CELSR1: variants seen among roughly 807,000 people sequenced by gnomAD.
The protein encoded by CELSR1 is adhesion G protein-coupled receptor C1.
In CELSR1, 110 loss-of-function variants were observed where a neutral mutation model predicts 249.1. The observed-to-expected ratio is 0.44, with a 90% CI of 0.38 to 0.52. The LOEUF (loss-of-function observed/expected upper bound fraction) is 0.52, where lower values mean the gene tolerates loss of function less well. CELSR1 is among the 20% of genes least tolerant of loss of function. The probability of loss-of-function intolerance (pLI) is 0.00; values close to 1 mark genes in which losing one functional copy is unlikely to be tolerated. For missense variants in CELSR1, 4,109 were observed against 4,296.4 expected, an observed-to-expected ratio of 0.96 and a Z score of 1.22; for synonymous variants, 2,113 against 1,900.0, an observed-to-expected ratio of 1.11 and a Z score of -2.92.
chr22:46,487,493 G>A (rs1361560512), intron 1 of CELSR1, among the ~76,000 whole-genome samples: 5 of 130,340 alleles, frequency 3.8e-5, no homozygotes, highest in Admixed American at 1.7e-4. Flanking sequence ...TGGCCTGGTG[G>A]AAAAGACAAA....
Position 46,410,710 on chromosome 22 carries a change from G to T in CELSR1, c.4770-149C>A. On this transcript the variant is annotated intron_variant, in intron 6 of 34. Coordinates refer to ENST00000674500, the MANE Select transcript of CELSR1 (RefSeq NM_001378328.1). The surrounding 1 kb of genome is among the most constrained non-coding windows in gnomAD (Gnocchi z 6.8). ...GGCGGGGAGAGGCCAAAGTCAGAGG[G>T]GGCTCCTGTGTCTGGTGCCGCCACT... 5.5e-6 allele frequency: 4 copies of T among 726,226 alleles called. No individual in the cohort carries two copies. The highest frequency in any genetic ancestry group is 8.9e-6 in the Non-Finnish European group (4 of 447,360). 45.0% of individuals were successfully genotyped at this position (726,226 alleles called of 1,614,324 possible). A position where few individuals can be genotyped will look rare whatever the true frequency, so the allele number is the denominator to read the frequency against.
chr22:46,376,776 C>G (rs2078922781), intron 24 of CELSR1, among the ~76,000 whole-genome samples: 1 of 149,290 alleles, frequency 6.7e-6, no homozygotes, highest in Non-Finnish European at 1.5e-5. Context: ...CATCTCACTC[C>G]AGCCTGGATT....
At chr22:46,387,377 GTTTGT>G (rs1213477715) in intron 18 of CELSR1, among the ~76,000 whole-genome samples, 1 of 151,922 alleles carries the variant, frequency 6.6e-6, no homozygotes, top group East Asian at 1.9e-4. Flanking sequence ...CTTTTTGTTT[GTTTGT>G]TTTGTTTTTG....
Position 46,472,650 on chromosome 22 carries a change from G to A in CELSR1, c.3545-8305C>T, listed in dbSNP as rs953595517. 1.3e-5 allele frequency among the ~76,000 whole-genome samples: 2 copies of A among 152,222 alleles called. No homozygotes were observed. The highest frequency in any genetic ancestry group is 4.8e-5 in the African/African-American group (2 of 41,450). On this transcript the variant is annotated intron_variant, in intron 1 of 34. Coordinates refer to ENST00000674500, the MANE Select transcript of CELSR1 (RefSeq NM_001378328.1). The surrounding 1 kb of genome is among the most constrained non-coding windows in gnomAD (Gnocchi z 7.0). ...CAGCTCCCGGGGCCGTCGGAGCAAA[G>A]GGCCGCCGCTGCATCACCAATACAG...
rs760448867 is a variant in CELSR1 at position 46,407,101 on chromosome 22, C to T, written c.5226+1895G>A. Among the ~76,000 whole-genome samples, 4 of 152,164 alleles carry T rather than the reference C, an allele frequency of 2.6e-5. No homozygotes were observed. Among genetic ancestry groups the T allele is most frequent in the Admixed American group, 2.0e-4 (3 of 15,280 alleles). On this transcript the variant is annotated intron_variant, in intron 9 of 34. Coordinates refer to ENST00000674500, the MANE Select transcript of CELSR1 (RefSeq NM_001378328.1). The surrounding 1 kb of genome is among the most constrained non-coding windows in gnomAD (Gnocchi z 4.8). ...CTAACCTAAGGGCAGCATCTCTGTGCGCTGAAGGGAGGTCAGGAGGGAGCC... is the reference window on the plus strand; with the variant it reads ...CTAACCTAAGGGCAGCATCTCTGTGTGCTGAAGGGAGGTCAGGAGGGAGCC...
At chr22:46,384,734 G>A in intron 19 of CELSR1, 48 bp from the exon 20 acceptor site, 1 of 1,562,182 alleles carries the variant, frequency 6.4e-7, no homozygotes, top group Admixed American at 1.9e-5. Context: ...GGGCTTTCTT[G>A]AACCCCTGCT....
rs532545003 is a variant in CELSR1, at chr22:46,399,274, C to T, written c.5412+443G>A. ...ACCTGCCTGCCTGGGACATGTGTGG[C>T]TCCCTGGTGTCTCACAGGCCTGTCC... On this transcript the variant is annotated intron_variant, in intron 10 of 34. Coordinates refer to ENST00000674500, the MANE Select transcript of CELSR1 (RefSeq NM_001378328.1). The surrounding 1 kb of genome is among the most constrained non-coding windows in gnomAD (Gnocchi z 5.0). Among the ~76,000 whole-genome samples, 2 of 152,346 alleles carry T rather than the reference C, an allele frequency of 1.3e-5. No homozygotes were observed. Among genetic ancestry groups the T allele is most frequent in the South Asian group, 2.1e-4 (1 of 4,828 alleles).
At chr22:46,371,126 G>A (rs954487920) in intron 25 of CELSR1, among the ~76,000 whole-genome samples, 9 of 152,052 alleles carry the variant, frequency 5.9e-5, no homozygotes, top group African/African-American at 1.4e-4. Flanking sequence ...CTGCCACCCC[G>A]CCCAACCTGC....
intron 1 of CELSR1, among the ~76,000 whole-genome samples, chr22:46,479,383 G>C (rs893417176): frequency 6.6e-6 from 1 of 152,084 alleles, no homozygotes; most frequent in African/African-American, 2.4e-5. Context: ...GCAGCTGCCA[G>C]GGGAAAACTG....
At chr22:46,386,014 T>G (rs190576319) in intron 19 of CELSR1, among the ~76,000 whole-genome samples, 106 of 148,130 alleles carry the variant, frequency 7.2e-4, no homozygotes, top group Middle Eastern at 3.5e-3. Flanking sequence ...CTGTCACCCA[T>G]GCTGGAGTGC....
rs1248501867 is a variant in CELSR1 at position 46,488,261 on chromosome 22, A to G, written c.3545-23916T>C. Among the ~76,000 whole-genome samples the G allele has an allele frequency of 6.6e-6, 1 of 152,022 alleles. No individual in the cohort carries two copies. Among genetic ancestry groups the G allele is most frequent in the African/African-American group, 2.4e-5 (1 of 41,364 alleles). On this transcript the variant is annotated intron_variant, in intron 1 of 34. Transcript: ENST00000674500. The surrounding 1 kb of genome is among the most constrained non-coding windows in gnomAD (Gnocchi z 4.7). ...ACAGTGGGAGGTGAAGGTGACCCCC[A>G]GATAGTCCCCAGAGCCAGTGCTACA...
In CELSR1 at chr22:46,410,253, C is replaced by T; in HGVS notation, c.4933+145G>A. Reference sequence around the variant, plus strand: ...CTCCAGCCTGGACTCCGGGTTCCATCCCAGGAGCTGCCCACCGCTGGACAC... The same window carrying T: ...CTCCAGCCTGGACTCCGGGTTCCATTCCAGGAGCTGCCCACCGCTGGACAC... On this transcript the variant is annotated intron_variant, in intron 7 of 34. Coordinates refer to ENST00000674500, the MANE Select transcript of CELSR1 (RefSeq NM_001378328.1). The surrounding 1 kb of genome is among the most constrained non-coding windows in gnomAD (Gnocchi z 6.8). The T allele has an allele frequency of 9.6e-7, 1 of 1,037,916 alleles. No individual in the cohort carries two copies. The highest frequency in any genetic ancestry group is 1.4e-6 in the Non-Finnish European group (1 of 717,320). The allele number at this position is 1,037,916 out of a possible 1,614,324, so 64.3% of individuals were successfully genotyped here.
Position 46,512,854 on chromosome 22 carries a change from C to T in CELSR1, c.3544+20773G>A, listed in dbSNP as rs1416712982. On this transcript the variant is annotated intron_variant, in intron 1 of 34. Transcript: ENST00000674500. The surrounding 1 kb of genome is among the most constrained non-coding windows in gnomAD (Gnocchi z 5.2). ...CCCACCCTCTTGTTCCTTCCGGGTC[C>T]GGGCTTGTCCCCCACAGCACCTGGC... Among the ~76,000 whole-genome samples the T allele has an allele frequency of 6.6e-6, 1 of 152,194 alleles. No homozygotes were observed. The highest frequency in any genetic ancestry group is 2.4e-5 in the African/African-American group (1 of 41,446).
At chr22:46,470,374 C>A (rs1022990092) in intron 1 of CELSR1, among the ~76,000 whole-genome samples, 28 of 151,888 alleles carry the variant, frequency 1.8e-4, no homozygotes, top group African/African-American at 6.8e-4. Context: ...CTCTGACCCC[C>A]ACAAGTTGGG....
intron 3 of CELSR1, among the ~76,000 whole-genome samples, chr22:46,438,356 C>A (rs111859938): frequency 2.6e-5 from 4 of 152,106 alleles, no homozygotes; most frequent in African/African-American, 9.7e-5. Context: ...AGCAGCTAGG[C>A]GCCCCCCAAC....
At chr22:46,372,577 C>T (rs563279014) in intron 25 of CELSR1, among the ~76,000 whole-genome samples, 4 of 151,666 alleles carry the variant, frequency 2.6e-5, no homozygotes, top group Admixed American at 1.3e-4. Flanking sequence ...TGCACTCACT[C>T]GCTCTTCCCT....
intron 1 of CELSR1, among the ~76,000 whole-genome samples, chr22:46,467,965 C>T (rs182432172): frequency 5.0e-4 from 76 of 152,202 alleles, no homozygotes; most frequent in Admixed American, 1.6e-3. Flanking sequence ...TAGCATGTAC[C>T]GTTTGGGTTG....
intron 20 of CELSR1, among the ~76,000 whole-genome samples, chr22:46,382,669 G>T (rs11704639): frequency 0.089 from 13,542 of 152,190 alleles, 621 homozygotes; most frequent in Middle Eastern, 0.12. Flanking sequence ...ACAGGTGAGT[G>T]GATAAGCAAC....
intron 20 of CELSR1, among the ~76,000 whole-genome samples, chr22:46,383,924 G>T (rs1167809149): frequency 6.6e-6 from 1 of 152,052 alleles, no homozygotes; most frequent in African/African-American, 2.4e-5. Flanking sequence ...ACATGGCTGA[G>T]TATCCCTCAG....
Sources: gnomAD v4.1 joint callset for allele counts (sites outside exome capture counted in the v4.1 genomes callset) on GRCh38, gnomAD v4.1.1 for gene constraint, Gnocchi (gnomAD v3.1) non-coding constraint, MANE v1.5 for transcripts, NCBI Gene and HGNC (gene_info 2026-07-23, HGNC 2026-07-21) for gene names.